The following RAB44 variants were observed in gnomAD, a reference collection of about 807,000 sequenced individuals.
RAB44 encodes the protein RAB44, member RAS oncogene family.
RAB44 carries 67 observed loss-of-function variants against 93.3 expected under a neutral mutation model. The observed-to-expected ratio is 0.72, with a 90% CI of 0.59 to 0.88. The LOEUF is 0.88. RAB44 is among the 40% of genes least tolerant of loss of function. RAB44 has a pLI of 0.00. For missense variants in RAB44, 1,064 were observed against 1,261.7 expected (o/e 0.84, Z 2.37); for synonymous variants, 427 against 520.3 (o/e 0.82, Z 2.44).
intron 1 of RAB44, among the ~76,000 whole-genome samples, chr6:36,702,766 C>T (rs1350739311): frequency 6.6e-6 from 1 of 152,224 alleles, no homozygotes; most frequent in Non-Finnish European, 1.5e-5. Context: ...CAGGCTCAGA[C>T]TTTATCCCTT....
At chr6:36,725,768 G>C (rs565666576) in intron 9 of RAB44, 94 bp from the exon 10 acceptor site, 1 of 822,578 alleles carries the variant, frequency 1.2e-6, no homozygotes, top group Admixed American at 2.0e-5. Flanking sequence ...TCGCACCGCA[G>C]CTGGTACAGG....
chr6:36,716,326 C>T lies in RAB44; in HGVS notation c.494+673C>T, dbSNP rs536832054. 6.2e-4 allele frequency among the ~76,000 whole-genome samples: 95 copies of T among 152,114 alleles called. 1 individual carries two copies. Among genetic ancestry groups the T allele is most frequent in the African/African-American group, 1.5e-3 (62 of 41,486 alleles). On this transcript the variant is annotated intron_variant, in intron 4 of 13. Transcript: ENST00000612677. ...CTCTACTAAAAATACAAAAATTAGC[C>T]GGGCGTGGTGGCACATGCCTGTAAT...
chr6:36,717,560 G>A lies in RAB44; in HGVS notation c.641+141G>A. 1.0e-6 allele frequency: 1 copy of A among 985,242 alleles called. No individual in the cohort carries two copies. Among genetic ancestry groups the A allele is most frequent in the Non-Finnish European group, 1.3e-6 (1 of 763,784 alleles). The allele number at this position is 985,242 out of a possible 1,614,324, so 61.0% of individuals were successfully genotyped here. A position where few individuals can be genotyped will look rare whatever the true frequency, so the allele number is the denominator to read the frequency against. On this transcript the variant is annotated intron_variant, in intron 5 of 13. Coordinates refer to ENST00000612677, the MANE Select transcript of RAB44 (RefSeq NM_001257357.2). This position sits in a 1 kb window ranked among gnomAD's most constrained non-coding sequence, Gnocchi z 4.1. ...GCAGAGCTGCGCTGGAGGAAGAGGT[G>A]GCTCAGGGGACCGGGTGGGGAGGAC...
chr6:36,726,445 A>G (rs1763241946), intron 10 of RAB44, among the ~76,000 whole-genome samples: 1 of 152,040 alleles, frequency 6.6e-6, no homozygotes, highest in African/African-American at 2.4e-5. Flanking sequence ...GGGTTTCATC[A>G]TATTGGCCAG....
intron 2 of RAB44, among the ~76,000 whole-genome samples, chr6:36,708,578 G>T (rs1044140794): frequency 6.6e-6 from 1 of 151,962 alleles, no homozygotes; most frequent in African/African-American, 2.4e-5. Flanking sequence ...CTATTTAATC[G>T]AAGTAATAAT....
chr6:36,731,717 A>C lies in RAB44; in HGVS notation c.2976-286A>C, dbSNP rs1445346252. ...TGCCTCCCCATCATTCCCGGGCTGC[A>C]GTCACCCCTTTTCCTGTCTGTCTCT... On this transcript the variant is annotated intron_variant, in intron 13 of 13. Transcript: ENST00000612677. This position sits in a 1 kb window ranked among gnomAD's most constrained non-coding sequence, Gnocchi z 4.0. Among the ~76,000 whole-genome samples the C allele has an allele frequency of 6.6e-6, 1 of 152,112 alleles. No homozygotes were observed. Among genetic ancestry groups the C allele is most frequent in the Non-Finnish European group, 1.5e-5 (1 of 68,020 alleles).
At chr6:36,726,475 C>T (rs908349463) in intron 10 of RAB44, among the ~76,000 whole-genome samples, 17 of 152,180 alleles carry the variant, frequency 1.1e-4, no homozygotes, top group African/African-American at 4.1e-4. Flanking sequence ...GAACTCCTGA[C>T]CTCGTGATCT....
At chr6:36,724,400 G>GC (rs1201192562) in intron 9 of RAB44, among the ~76,000 whole-genome samples, 1 of 151,900 alleles carries the variant, frequency 6.6e-6, no homozygotes, top group Non-Finnish European at 1.5e-5. Flanking sequence ...CAGGTGATCT[G>GC]CCCGCCTCAG....
chr6:36,720,578 G>T, intron 8 of RAB44, 28 bp downstream of exon 8: 1 of 1,232,936 alleles, frequency 8.1e-7, no homozygotes, highest in Non-Finnish European at 1.0e-6. Context: ...CTGGACTGGG[G>T]TGGACTCTAA....
At chr6:36,714,820 C>T (rs2150332128) in intron 3 of RAB44, among the ~76,000 whole-genome samples, 1 of 152,370 alleles carries the variant, frequency 6.6e-6, no homozygotes, top group East Asian at 1.9e-4. Flanking sequence ...GCAAGGCCTG[C>T]ACCATCCAGA....
chr6:36,721,692 A>C lies in RAB44; in HGVS notation c.1558A>C (p.Lys520Gln). ...TCCCCAGGCCCCAGCTGGGTCCAGCAAACAGATCCAGGCCTCAGACCCAGA... is the reference window on the plus strand; with the variant it reads ...TCCCCAGGCCCCAGCTGGGTCCAGCCAACAGATCCAGGCCTCAGACCCAGA... ...PPPQAPAGSS[K>Q]QIQASDPDDK... Residue 520 changes from lysine (K) to glutamine (Q), a missense_variant, in exon 9 of 14, where the codon AAA (lysine) becomes CAA (glutamine). By Grantham distance (53) the Lys-to-Gln change is moderately conservative (BLOSUM62 1). Coordinates refer to ENST00000612677, the MANE Select transcript of RAB44 (RefSeq NM_001257357.2). 1 of 1,234,294 alleles carries C rather than the reference A, an allele frequency of 8.1e-7. No homozygotes were observed. 76.5% of individuals were successfully genotyped at this position (1,234,294 alleles called of 1,614,324 possible).
intron 9 of RAB44, among the ~76,000 whole-genome samples, chr6:36,723,709 C>T (rs966078042): frequency 1.3e-5 from 2 of 151,780 alleles, no homozygotes; most frequent in Non-Finnish European, 2.9e-5. Flanking sequence ...GTGGCGGTTG[C>T]TTGTAGTCCC....
At chr6:36,723,092 C>T (rs781567314) in intron 9 of RAB44, among the ~76,000 whole-genome samples, 124 of 152,354 alleles carry the variant, frequency 8.1e-4, no homozygotes, top group Admixed American at 2.5e-3. Flanking sequence ...TTGCTCATGA[C>T]TAGCTCCAGG....
At chr6:36,707,682 G>A (rs1011403138) in intron 2 of RAB44, among the ~76,000 whole-genome samples, 5 of 152,140 alleles carry the variant, frequency 3.3e-5, no homozygotes, top group Admixed American at 6.5e-5. Context: ...ATAGTTCATC[G>A]AACCTGGTAC....
intron 12 of RAB44, among the ~76,000 whole-genome samples, chr6:36,730,359 C>T (rs1350383828): frequency 6.6e-6 from 1 of 152,190 alleles, no homozygotes; most frequent in African/African-American, 2.4e-5. Context: ...AAAAACATAA[C>T]TAACATTTAT....
chr6:36,701,329 A>T (rs1188332182), intron 1 of RAB44, among the ~76,000 whole-genome samples: 1 of 152,080 alleles, frequency 6.6e-6, no homozygotes, highest in East Asian at 1.9e-4. Flanking sequence ...GGCTGGTCTC[A>T]AACTCCTGGC....
intron 1 of RAB44, among the ~76,000 whole-genome samples, chr6:36,703,246 C>T (rs1762554839): frequency 6.6e-6 from 1 of 152,172 alleles, no homozygotes; most frequent in African/African-American, 2.4e-5. Context: ...TTCATGAGGA[C>T]GGTGCCCCCA....
Position 36,702,293 on chromosome 6 carries a change from G to GGAGAGA in RAB44, c.-12-1890_-12-1885dup, listed in dbSNP as rs567475229. 4.8e-3 allele frequency among the ~76,000 whole-genome samples: 548 copies of GGAGAGA among 115,176 alleles called. 6 individuals carry two copies. The highest frequency in any genetic ancestry group is 0.017 in the African/African-American group (473 of 27,776). 75.6% of individuals were successfully genotyped at this position (115,176 alleles called of 152,430 possible). ...TTCATCTGAAACAGACTTCGAAGGG[G>GGAGAGA]GAGAGAGAGAGAGAGAGAGAGAGAG... On this transcript the variant is annotated intron_variant, in intron 1 of 13. Transcript: ENST00000612677.
At chr6:36,704,197 CG>C in intron 1 of RAB44, 26 bp from the exon 2 acceptor site, 1 of 1,515,002 alleles carries the variant, frequency 6.6e-7, no homozygotes, top group Non-Finnish European at 8.9e-7. Flanking sequence ...TCCAGCAGCC[CG>C]GTGCCCCTCA....
Sources: gnomAD v4.1 joint callset for allele counts (sites outside exome capture counted in the v4.1 genomes callset) on GRCh38, gnomAD v4.1.1 for gene constraint, Gnocchi (gnomAD v3.1) non-coding constraint, MANE v1.5 for transcripts, NCBI Gene and HGNC (gene_info 2026-07-23, HGNC 2026-07-21) for gene names.